CLSTN2: variants seen among roughly 807,000 people sequenced by gnomAD.
The protein encoded by CLSTN2 is calsyntenin 2, also known as calsyntenin-2.
Under a neutral mutation model 101.2 loss-of-function variants are expected in CLSTN2, and 48 were observed. The observed-to-expected ratio is 0.47, with a 90% CI of 0.38 to 0.60. The LOEUF is 0.60. Ranked by LOEUF, CLSTN2 falls within the 20% of genes least tolerant of loss-of-function variation. The probability of loss-of-function intolerance (pLI) is 0.00; values close to 1 mark genes in which losing one functional copy is unlikely to be tolerated. For synonymous variants in CLSTN2, 481 were observed against 463.6 expected (o/e 1.04, Z -0.48); for missense variants, 1,160 against 1,238.2 (o/e 0.94, Z 0.95).
chr3:140,104,375 T>C (rs1301058455), intron 1 of CLSTN2, among the ~76,000 whole-genome samples: 1 of 152,232 alleles, frequency 6.6e-6, no homozygotes, highest in Non-Finnish European at 1.5e-5. Context: ...TTCTATTCTG[T>C]TCTTAGCACA....
intron 2 of CLSTN2, among the ~76,000 whole-genome samples, chr3:140,218,622 T>G (rs2086231802): frequency 6.6e-6 from 1 of 152,160 alleles, no homozygotes; most frequent in African/African-American, 2.4e-5. Context: ...AGCAACTAGT[T>G]CAAATTTTTA....
chr3:140,299,039 G>T (rs1181865845), intron 2 of CLSTN2, among the ~76,000 whole-genome samples: 1 of 152,172 alleles, frequency 6.6e-6, no homozygotes, highest in South Asian at 2.1e-4. Context: ...GTGCCTCACT[G>T]TCACCTGGGC....
chr3:140,064,122 G>A (rs2008258630), intron 1 of CLSTN2, among the ~76,000 whole-genome samples: 1 of 152,206 alleles, frequency 6.6e-6, no homozygotes, highest in Non-Finnish European at 1.5e-5. Context: ...CAGTCTGACT[G>A]AAGGAGGGCC....
chr3:140,405,310 C>T lies in CLSTN2; in HGVS notation c.637+544C>T, dbSNP rs545226793. Among the ~76,000 whole-genome samples, 146 of 152,186 alleles carry T rather than the reference C, an allele frequency of 9.6e-4. 1 individual carries two copies. Among genetic ancestry groups the T allele is most frequent in the African/African-American group, 2.6e-3 (110 of 41,528 alleles). On this transcript the variant is annotated intron_variant, in intron 4 of 16. Coordinates refer to ENST00000458420, the MANE Select transcript of CLSTN2 (RefSeq NM_022131.3). ...TGGCACAATCTTCACTCACTGCAAC[C>T]TCCACGTCCTGGGTTCAAGTTATTC...
chr3:140,124,649 A>G (rs2009400567), intron 1 of CLSTN2, among the ~76,000 whole-genome samples: 1 of 152,126 alleles, frequency 6.6e-6, no homozygotes, highest in African/African-American at 2.4e-5. Context: ...AGGAGGAGAT[A>G]TGGGGGCAGC....
chr3:140,309,902 C>T (rs549438230), intron 2 of CLSTN2, among the ~76,000 whole-genome samples: 1 of 152,274 alleles, frequency 6.6e-6, no homozygotes, highest in East Asian at 1.9e-4. Flanking sequence ...ATACCACATT[C>T]TTCTAGGACC....
chr3:140,291,400 C>A (rs1531637), intron 2 of CLSTN2, among the ~76,000 whole-genome samples: 10 of 151,644 alleles, frequency 6.6e-5, no homozygotes, highest in South Asian at 4.2e-4. Flanking sequence ...CCCCTCCCCC[C>A]CCAACTTTCT....
chr3:139,983,353 A>G (rs1935966760), intron 1 of CLSTN2, among the ~76,000 whole-genome samples: 1 of 152,158 alleles, frequency 6.6e-6, no homozygotes, highest in Non-Finnish European at 1.5e-5. Flanking sequence ...TCTTAATTAG[A>G]AAAGAAGTTT....
intron 11 of CLSTN2, 141 bp downstream of exon 11, chr3:140,556,802 TG>T: frequency 4.0e-6 from 3 of 741,184 alleles, no homozygotes; most frequent in Non-Finnish European, 6.5e-6. Context: ...CCTCTGAGGA[TG>T]CCTCAAAGGA....
At chr3:140,425,426 C>G (rs1042618805) in intron 5 of CLSTN2, among the ~76,000 whole-genome samples, 6 of 152,334 alleles carry the variant, frequency 3.9e-5, no homozygotes, top group Middle Eastern at 3.4e-3. Context: ...CAGCTATGCA[C>G]AGAAGGACAT....
intron 8 of CLSTN2, among the ~76,000 whole-genome samples, chr3:140,504,937 G>T (rs565097683): frequency 6.6e-6 from 1 of 152,246 alleles, no homozygotes; most frequent in African/African-American, 2.4e-5. Context: ...TGAAAATTCC[G>T]CTTGGCAAAT....
chr3:140,364,883 G>A (rs1166424849), intron 2 of CLSTN2, among the ~76,000 whole-genome samples: 1 of 152,210 alleles, frequency 6.6e-6, no homozygotes, highest in Non-Finnish European at 1.5e-5. Context: ...TCACAGTGGT[G>A]AATGAGAGAG....
At chr3:140,329,400 A>G (rs2087360947) in intron 2 of CLSTN2, among the ~76,000 whole-genome samples, 1 of 152,168 alleles carries the variant, frequency 6.6e-6, no homozygotes, top group African/African-American at 2.4e-5. Context: ...AAATAAATAT[A>G]GATGTCTTCT....
intron 1 of CLSTN2, among the ~76,000 whole-genome samples, chr3:140,124,054 C>T (rs12107345): frequency 0.11 from 16,453 of 151,826 alleles, 1,171 homozygotes; most frequent in African/African-American, 0.2. Flanking sequence ...ATTTTAAAAA[C>T]ATAATTATAA....
chr3:140,485,976 C>G (rs1934233501), intron 8 of CLSTN2, among the ~76,000 whole-genome samples: 1 of 152,012 alleles, frequency 6.6e-6, no homozygotes, highest in Non-Finnish European at 1.5e-5. Context: ...CGACAACCCC[C>G]CAGTGAGATG....
At chr3:140,393,952 C>T (rs987064833) in intron 2 of CLSTN2, among the ~76,000 whole-genome samples, 3 of 152,148 alleles carry the variant, frequency 2.0e-5, no homozygotes, top group Admixed American at 6.5e-5. Context: ...TTGCAATCTT[C>T]CAACACCTGA....
chr3:140,517,563 C>T lies in CLSTN2; in HGVS notation c.1345-14761C>T, dbSNP rs76448168. On this transcript the variant is annotated intron_variant, in intron 8 of 16. Transcript: ENST00000458420. ...CCCTAGGGATGTGGCTTCTTGAGAA[C>T]CAAATTGCAGTGATTATTATTTTTC... Among the ~76,000 whole-genome samples the T allele has an allele frequency of 4.7e-4, 71 of 152,202 alleles. 2 individuals are homozygous for T. The East Asian group carries it at 0.012, about 25-fold the overall frequency.
chr3:140,234,678 T>A (rs1179691671), intron 2 of CLSTN2, among the ~76,000 whole-genome samples: 1 of 152,194 alleles, frequency 6.6e-6, no homozygotes, highest in East Asian at 1.9e-4. Flanking sequence ...TCCCTCTTCA[T>A]GAAGGCTTTG....
chr3:140,296,713 G>A (rs1377379072), intron 2 of CLSTN2, among the ~76,000 whole-genome samples: 2 of 152,300 alleles, frequency 1.3e-5, no homozygotes, highest in East Asian at 3.9e-4. Flanking sequence ...GGTTTTTAAG[G>A]TTTCTGGCTC....
Sources: allele counts gnomAD v4.1 joint callset (sites outside exome capture counted in the v4.1 genomes callset), GRCh38; gene constraint gnomAD v4.1.1; transcripts MANE v1.5; gene names NCBI Gene and HGNC (gene_info 2026-07-23, HGNC 2026-07-21).